The following SPATS2 variants were observed in gnomAD, a reference collection of about 807,000 sequenced individuals.
The protein encoded by SPATS2 is spermatogenesis-associated serine-rich protein 2.
Under a neutral mutation model 63.7 loss-of-function variants are expected in SPATS2, and 38 were observed. The observed-to-expected ratio is 0.60, with a 90% CI of 0.46 to 0.78. The LOEUF (loss-of-function observed/expected upper bound fraction) is 0.78. Ranked by LOEUF, SPATS2 falls within the 30% of genes least tolerant of loss-of-function variation. The pLI is 0.00. For missense variants in SPATS2, 588 were observed against 666.2 expected, an observed-to-expected ratio of 0.88 and a Z score of 1.29; for synonymous variants, 207 against 232.9, an observed-to-expected ratio of 0.89 and a Z score of 1.01.
rs75131367 is a variant in SPATS2, at chr12:49,474,993, A to T, written c.26-9597A>T. On this transcript the variant is annotated intron_variant, in intron 3 of 13. Transcript: ENST00000552918. ...TTTTAAAACCATCAGATCTCATAAGACCTATTCACTGTCACAAGAGCAGCA... is the reference window on the plus strand; with the variant it reads ...TTTTAAAACCATCAGATCTCATAAGTCCTATTCACTGTCACAAGAGCAGCA... 1.2e-4 allele frequency among the ~76,000 whole-genome samples: 18 copies of T among 152,252 alleles called. No homozygotes were observed. In the East Asian group the frequency reaches 3.5e-3, roughly 29 times the overall value.
At chr12:49,401,992 T>C (rs1944613245) in intron 2 of SPATS2, among the ~76,000 whole-genome samples, 1 of 152,196 alleles carries the variant, frequency 6.6e-6, no homozygotes, top group South Asian at 2.1e-4. Context: ...GTTGATTGAT[T>C]GTCTGACAGG....
At chr12:49,369,951 C>T (rs1943969866) in intron 1 of SPATS2, among the ~76,000 whole-genome samples, 1 of 152,132 alleles carries the variant, frequency 6.6e-6, no homozygotes, top group Admixed American at 6.6e-5. Flanking sequence ...TAGATAGGAT[C>T]CTTTTAGAAA....
intron 5 of SPATS2, 89 bp from the exon 6 acceptor site, chr12:49,490,593 C>A: frequency 8.2e-7 from 1 of 1,213,094 alleles, no homozygotes; most frequent in Non-Finnish European, 1.2e-6. Flanking sequence ...GTAAATTCTC[C>A]AGCAATTACA....
intron 4 of SPATS2, chr12:49,486,397 G>A: frequency 3.3e-6 from 1 of 299,508 alleles, no homozygotes; most frequent in Non-Finnish European, 6.7e-6. Context: ...AGTAGAGAGG[G>A]TGTCACCATG....
chr12:49,402,959 A>G (rs979193889), intron 2 of SPATS2, among the ~76,000 whole-genome samples: 3 of 152,114 alleles, frequency 2.0e-5, no homozygotes, highest in Non-Finnish European at 4.4e-5. Flanking sequence ...CCATTCAGAC[A>G]AGAGGTTTAA....
At chr12:49,466,049 A>G (rs1386522299) in intron 3 of SPATS2, among the ~76,000 whole-genome samples, 2 of 146,410 alleles carry the variant, frequency 1.4e-5, no homozygotes, top group African/African-American at 5.1e-5. Flanking sequence ...GGGTTTTGGT[A>G]TCGTGTCTGA....
At chr12:49,372,940 TTGTGTGTGTGTGTG>T (rs56940721) in intron 2 of SPATS2, among the ~76,000 whole-genome samples, 57 of 130,138 alleles carry the variant, frequency 4.4e-4, no homozygotes, top group East Asian at 1.2e-3. Context: ...ATTTTCTGTT[TTGTGTGTGTGTGTG>T]TGTGTGTGTG....
At chr12:49,515,801 G>T (rs1454006339) in intron 10 of SPATS2, among the ~76,000 whole-genome samples, 1 of 152,036 alleles carries the variant, frequency 6.6e-6, no homozygotes, top group Admixed American at 6.6e-5. Flanking sequence ...GAGCCCAGGA[G>T]TTTGAGACCA....
intron 2 of SPATS2, among the ~76,000 whole-genome samples, chr12:49,455,603 G>A (rs1249016607): frequency 1.3e-5 from 2 of 152,034 alleles, no homozygotes; most frequent in African/African-American, 4.8e-5. Flanking sequence ...TGTCAAGGTA[G>A]GATCTTACTC....
chr12:49,390,913 T>C (rs1427100231), intron 2 of SPATS2, among the ~76,000 whole-genome samples: 1 of 152,210 alleles, frequency 6.6e-6, no homozygotes, highest in Admixed American at 6.5e-5. Context: ...AAGTCAGTAA[T>C]GAAGATGAGA....
At chr12:49,377,289 G>A (rs1351088658) in intron 2 of SPATS2, among the ~76,000 whole-genome samples, 1 of 152,020 alleles carries the variant, frequency 6.6e-6, no homozygotes, top group African/African-American at 2.4e-5. Flanking sequence ...TTAGACTATA[G>A]GATATTATTA....
At chr12:49,437,576 C>T (rs548282802) in intron 2 of SPATS2, among the ~76,000 whole-genome samples, 220 of 152,324 alleles carry the variant, frequency 1.4e-3, no homozygotes, top group African/African-American at 4.0e-3. Flanking sequence ...TCTGCCATCC[C>T]GGCACCTCGG....
chr12:49,496,973 A>G lies in SPATS2; in HGVS notation c.667A>G (p.Met223Val), dbSNP rs763374748. The G allele has an allele frequency of 1.7e-5, 27 of 1,595,210 alleles. No homozygotes were observed. The highest frequency in any genetic ancestry group is 2.0e-5 in the Non-Finnish European group (23 of 1,171,608). ...TTETQFSNMG[M>V]EDVPLATSKK... ...AGAAACTCAGTTTTCAAATATGGGGATGGAAGATGTTCCCCTCGCCACCAG... is the reference window on the plus strand; with the variant it reads ...AGAAACTCAGTTTTCAAATATGGGGGTGGAAGATGTTCCCCTCGCCACCAG... The change falls in exon 8 of 14, where the codon ATG becomes GTG. Residue 223 changes from methionine to valine, a missense_variant. Physicochemically the swap from Met to Val is conservative, Grantham distance 21. Coordinates refer to ENST00000552918, the MANE Select transcript of SPATS2 (RefSeq NM_023071.4).
At chr12:49,474,665 T>A (rs1468016355) in intron 3 of SPATS2, among the ~76,000 whole-genome samples, 1 of 152,236 alleles carries the variant, frequency 6.6e-6, no homozygotes, top group African/African-American at 2.4e-5. Context: ...AGATTCTTAC[T>A]AGCTATTCTG....
intron 3 of SPATS2, among the ~76,000 whole-genome samples, chr12:49,467,195 C>T (rs186859321): frequency 6.7e-6 from 1 of 149,912 alleles, no homozygotes; most frequent in African/African-American, 2.4e-5. Context: ...ACTACAGGCC[C>T]ACACCACCAT....
chr12:49,367,401 G>GGAGGCGGCGGTGGGGGC, upstream of SPATS2: 1 of 397,042 alleles, frequency 2.5e-6, no homozygotes, highest in Non-Finnish European at 4.4e-6. Flanking sequence ...AGAGAAGTGG[G>GGAGGCGGCGGTGGGGGC]GAGGCGGCGG....
chr12:49,421,402 G>A (rs745353119), intron 2 of SPATS2, among the ~76,000 whole-genome samples: 3 of 99,518 alleles, frequency 3.0e-5, no homozygotes, highest in Non-Finnish European at 3.6e-5. Context: ...GGGCAACAGA[G>A]CAAGACTTTG....
chr12:49,456,833 A>G (rs1470703152), intron 2 of SPATS2, among the ~76,000 whole-genome samples: 1 of 152,168 alleles, frequency 6.6e-6, no homozygotes, highest in Non-Finnish European at 1.5e-5. Flanking sequence ...GAGTCCTATA[A>G]TTTTTAAGTC....
chr12:49,477,021 TTTGAA>T (rs1281360221), intron 3 of SPATS2, among the ~76,000 whole-genome samples: 1 of 151,832 alleles, frequency 6.6e-6, no homozygotes, highest in African/African-American at 2.4e-5. Context: ...AGGAGAATCG[TTTGAA>T]CCTGGGAGGC....
Sources: gnomAD v4.1 joint callset for allele counts (sites outside exome capture counted in the v4.1 genomes callset) on GRCh38, gnomAD v4.1.1 for gene constraint, MANE v1.5 for transcripts, NCBI Gene and HGNC (gene_info 2026-07-23, HGNC 2026-07-21) for gene names.